The following MAP4K4 variants were observed in gnomAD, a reference collection of about 807,000 sequenced individuals.
MAP4K4 encodes mitogen-activated protein kinase kinase kinase kinase 4, also known as HPK/GCK-like kinase HGK.
In MAP4K4, 38 loss-of-function variants were observed where a neutral mutation model predicts 189.6. The ratio of observed to expected loss-of-function variants is 0.20; its 90% CI spans 0.15 to 0.26. The LOEUF (loss-of-function observed/expected upper bound fraction) is 0.26. MAP4K4 is among the 10% of genes least tolerant of loss of function. The pLI, the probability that MAP4K4 is intolerant of heterozygous loss-of-function variation, is 1.00. For synonymous variants in MAP4K4, 610 were observed against 624.3 expected, an observed-to-expected ratio of 0.98 and a Z score of 0.34; for missense variants, 1,054 against 1,726.9, an observed-to-expected ratio of 0.61 and a Z score of 6.91.
At chr2:101,740,985 T>G (rs151200244) in intron 2 of MAP4K4, among the ~76,000 whole-genome samples, 74 of 152,240 alleles carry the variant, frequency 4.9e-4, no homozygotes, top group Middle Eastern at 6.8e-3. Context: ...TTGCTACAAA[T>G]GATGAGACTG....
intron 2 of MAP4K4, among the ~76,000 whole-genome samples, chr2:101,771,388 G>C (rs562417124): frequency 6.6e-6 from 1 of 152,254 alleles, no homozygotes; most frequent in African/African-American, 2.4e-5. Context: ...GCAGTGGAAC[G>C]GTGCCATTTT....
chr2:101,879,647 A>G (rs964494346), intron 27 of MAP4K4, among the ~76,000 whole-genome samples: 2 of 152,208 alleles, frequency 1.3e-5, no homozygotes, highest in African/African-American at 4.8e-5. Context: ...ATCCATCCAG[A>G]TAGCCCCACC....
intron 2 of MAP4K4, among the ~76,000 whole-genome samples, chr2:101,789,094 C>A (rs1219445865): frequency 6.6e-6 from 1 of 152,154 alleles, no homozygotes; most frequent in African/African-American, 2.4e-5. Context: ...TTTCCCTCAT[C>A]ATTTGGTTTC....
intron 24 of MAP4K4, 113 bp downstream of exon 24, chr2:101,871,798 C>A: frequency 2.1e-6 from 2 of 943,760 alleles, no homozygotes; most frequent in Non-Finnish European, 1.5e-6. Flanking sequence ...TCCCACCCTG[C>A]TTTCTCTGTC....
rs375619129 is a variant in MAP4K4 at position 101,890,641 on chromosome 2, G to C, written c.4072-525G>C. On this transcript the variant is annotated intron_variant, in intron 32 of 32. Transcript: ENST00000324219. ...CAGCTAATTTTTTGTGTTTTTAGTA[G>C]AGATGCGGTTTCACTATCTTGGCCA... Among the ~76,000 whole-genome samples the C allele has an allele frequency of 3.3e-5, 5 of 151,678 alleles. No homozygotes were observed. In the East Asian group the frequency reaches 5.8e-4, roughly 18 times the overall value.
At chr2:101,778,996 A>G (rs957583299) in intron 2 of MAP4K4, among the ~76,000 whole-genome samples, 11 of 152,174 alleles carry the variant, frequency 7.2e-5, no homozygotes, top group African/African-American at 2.2e-4. Context: ...TTCTTTCTGT[A>G]AAATAGGGAT....
chr2:101,893,329 T>C (rs1025396670), exon 33 of MAP4K4: 1 of 452,814 alleles, frequency 2.2e-6, no homozygotes, highest in Admixed American at 2.4e-5. Flanking sequence ...TGTATGAGTT[T>C]GGAGCAGTGC....
exon 13 of MAP4K4, chr2:101,856,030 G>C: frequency 1.9e-6 from 3 of 1,551,824 alleles, no homozygotes; most frequent in Non-Finnish European, 1.7e-6. Flanking sequence ...AACAGCGAAG[G>C]AGAGAACAAG....
chr2:101,742,408 C>G (rs1290985424), intron 2 of MAP4K4, among the ~76,000 whole-genome samples: 6 of 152,132 alleles, frequency 3.9e-5, no homozygotes, highest in African/African-American at 1.4e-4. Flanking sequence ...TAAATTGCCT[C>G]TTTCCTGCTC....
At chr2:101,719,943 C>T (rs1286425318) in intron 2 of MAP4K4, among the ~76,000 whole-genome samples, 2 of 151,916 alleles carry the variant, frequency 1.3e-5, no homozygotes, top group East Asian at 2.0e-4. Flanking sequence ...ACCTGGGAGG[C>T]GGAGGTTGCA....
intron 27 of MAP4K4, among the ~76,000 whole-genome samples, chr2:101,880,149 A>G (rs2098341798): frequency 6.6e-6 from 1 of 152,074 alleles, no homozygotes; most frequent in Non-Finnish European, 1.5e-5. Context: ...TTGTTTGTTC[A>G]TGCTGTGGAA....
intron 2 of MAP4K4, among the ~76,000 whole-genome samples, chr2:101,734,220 G>A (rs778501801): frequency 6.6e-6 from 1 of 152,114 alleles, no homozygotes; most frequent in South Asian, 2.1e-4. Context: ...TTGAAAATCT[G>A]TACAGAGTTA....
chr2:101,754,112 C>A (rs543458733), intron 2 of MAP4K4, among the ~76,000 whole-genome samples: 1 of 152,190 alleles, frequency 6.6e-6, no homozygotes, highest in Admixed American at 6.5e-5. Context: ...GTGTTAGACA[C>A]TAGTTAATAT....
intron 24 of MAP4K4, 74 bp from the exon 25 acceptor site, chr2:101,873,573 A>G: frequency 7.5e-6 from 6 of 795,982 alleles, no homozygotes; most frequent in Non-Finnish European, 1.1e-5. Flanking sequence ...TATAGAAGTG[A>G]ATTGAAATGT....
intron 2 of MAP4K4, among the ~76,000 whole-genome samples, chr2:101,764,064 A>G (rs1413504594): frequency 6.6e-6 from 1 of 151,676 alleles, no homozygotes; most frequent in Admixed American, 6.6e-5. Flanking sequence ...ATTTACAGGG[A>G]AGTCTGTGGG....
At chr2:101,790,587 T>C in intron 2 of MAP4K4, 133 bp from the exon 3 acceptor site, 1 of 674,632 alleles carries the variant, frequency 1.5e-6, no homozygotes, top group East Asian at 2.7e-5. Context: ...ACAGGACTAT[T>C]TCGTCATCAC....
chr2:101,755,938 T>C (rs1005712933), intron 2 of MAP4K4, among the ~76,000 whole-genome samples: 11 of 125,736 alleles, frequency 8.7e-5, no homozygotes, highest in East Asian at 2.2e-4. Context: ...TCTTTTTTTT[T>C]TTTTTTTTTT....
At chr2:101,865,155 T>G (rs1029838097) in intron 18 of MAP4K4, 119 bp downstream of exon 18, 2 of 612,236 alleles carry the variant, frequency 3.3e-6, no homozygotes, top group Non-Finnish European at 5.6e-6. Flanking sequence ...GATTATCAGT[T>G]ATAAAAGGAA....
At chr2:101,752,611 C>T (rs2069721269) in intron 2 of MAP4K4, among the ~76,000 whole-genome samples, 1 of 152,188 alleles carries the variant, frequency 6.6e-6, no homozygotes, top group Non-Finnish European at 1.5e-5. Flanking sequence ...ATTGATGGTG[C>T]ACTCAGCTGG....
Sources: gnomAD v4.1 joint callset for allele counts (sites outside exome capture counted in the v4.1 genomes callset) on GRCh38, gnomAD v4.1.1 for gene constraint, MANE v1.5 for transcripts, NCBI Gene and HGNC (gene_info 2026-07-23, HGNC 2026-07-21) for gene names.